The following CLIP1 variants were observed in gnomAD, a reference collection of about 807,000 sequenced individuals.
CLIP1 encodes CAP-Gly domain-containing linker protein 1.
In CLIP1, 66 loss-of-function variants were observed where a neutral mutation model predicts 161.6. The ratio of observed to expected loss-of-function variants is 0.41; its 90% confidence interval spans 0.33 to 0.50. The LOEUF is 0.50. Ranked by LOEUF, CLIP1 falls within the 20% of genes least tolerant of loss-of-function variation. CLIP1 has a pLI of 0.27. For missense variants in CLIP1, 1,376 were observed against 1,702.0 expected (o/e 0.81, Z 3.37); for synonymous variants, 598 against 626.2 (o/e 0.96, Z 0.67).
At chr12:122,378,848 G>A (rs939916886) in intron 2 of CLIP1, among the ~76,000 whole-genome samples, 17 of 151,738 alleles carry the variant, frequency 1.1e-4, no homozygotes, top group Middle Eastern at 3.2e-3. Context: ...ATATAGGGCC[G>A]GGTGCAGTGG....
chr12:122,327,883 C>G, intron 17 of CLIP1, 64 bp downstream of exon 17: 1 of 1,501,906 alleles, frequency 6.7e-7, no homozygotes, highest in Non-Finnish European at 9.2e-7. Flanking sequence ...TCTAAGCACC[C>G]TTCCTGCCTC....
Position 122,328,011 on chromosome 12 carries a change from C to T in CLIP1, c.3185G>A (p.Arg1062Gln), listed in dbSNP as rs755593779. The change falls in exon 17 of 26, where the codon CGG becomes CAG. Residue 1062 changes from arginine (R) to glutamine (Q), a missense_variant. Physicochemically the swap from Arg to Gln is conservative, Grantham distance 43 (BLOSUM62 1). This residue lies in a region of CLIP1 where 948 missense variants were observed against 1,134.8 expected (regional missense o/e 0.84). Coordinates refer to ENST00000620786, the MANE Select transcript of CLIP1 (RefSeq NM_001247997.2). The stretch of plus-strand genomic sequence containing the variant: ...CTGCAGCAAGCCACTGTTCTCCTCC[C>T]GTGCGCCCTTCAGCTTGTCCTCTGT... ...LDTEDKLKGA[R>Q]EENSGLLQEL... 38 of 1,614,024 alleles carry T rather than the reference C, an allele frequency of 2.4e-5. No individual in the cohort carries two copies. Among genetic ancestry groups the T allele is most frequent in the African/African-American group, 9.3e-5 (7 of 74,910 alleles).
intron 21 of CLIP1, among the ~76,000 whole-genome samples, chr12:122,283,171 G>A (rs370733944): frequency 6.6e-6 from 1 of 152,076 alleles, no homozygotes; most frequent in African/African-American, 2.4e-5. Context: ...TCTGCATCAG[G>A]CTTCAGAGGC....
At chr12:122,301,753 T>C (rs1001506237) in intron 20 of CLIP1, among the ~76,000 whole-genome samples, 1 of 152,228 alleles carries the variant, frequency 6.6e-6, no homozygotes, top group Non-Finnish European at 1.5e-5. Context: ...TTTACTTGGA[T>C]TTAACGCTCA....
At chr12:122,422,700 A>C (rs2137269289), upstream of CLIP1, 5 of 124,384 alleles carry the variant, frequency 4.0e-5, no homozygotes, top group South Asian at 5.9e-4. Context: ...GGCTCCTCCC[A>C]GCGCTCCGCC....
At chr12:122,417,632 C>A (rs926717286) in intron 1 of CLIP1, among the ~76,000 whole-genome samples, 5 of 151,154 alleles carry the variant, frequency 3.3e-5, no homozygotes, top group African/African-American at 7.3e-5. Context: ...CCTGCCTCAG[C>A]CTCCTGAGTA....
chr12:122,396,968 G>A (rs1955936296), intron 1 of CLIP1, among the ~76,000 whole-genome samples: 2 of 111,322 alleles, frequency 1.8e-5, no homozygotes, highest in South Asian at 5.9e-4. Context: ...TTGTAGAGAT[G>A]GGGTTTTACC....
intron 7 of CLIP1, 136 bp from the exon 8 acceptor site, chr12:122,352,922 G>A (rs1286219716): frequency 1.8e-5 from 13 of 712,814 alleles, no homozygotes; most frequent in Non-Finnish European, 2.5e-5. Flanking sequence ...GGGAGGTGGA[G>A]GCAGGAGGAT....
chr12:122,418,268 T>G (rs979622908), intron 1 of CLIP1, among the ~76,000 whole-genome samples: 2 of 152,034 alleles, frequency 1.3e-5, no homozygotes, highest in Admixed American at 6.6e-5. Flanking sequence ...AAATGAGATC[T>G]AATTACAGCC....
intron 1 of CLIP1, among the ~76,000 whole-genome samples, chr12:122,389,788 T>C (rs945518706): frequency 1.6e-5 from 1 of 62,476 alleles, no homozygotes; most frequent in African/African-American, 4.9e-5. Context: ...AAAAAAGAAT[T>C]TATAATGTAG....
intron 3 of CLIP1, among the ~76,000 whole-genome samples, chr12:122,364,340 A>AGGG (rs1954019907): frequency 6.6e-6 from 1 of 152,090 alleles, no homozygotes; most frequent in Non-Finnish European, 1.5e-5. Context: ...ATAATGAGAC[A>AGGG]GCCAATCTAA....
intron 3 of CLIP1, among the ~76,000 whole-genome samples, chr12:122,372,522 G>A (rs1236214910): frequency 5.9e-5 from 9 of 151,594 alleles, no homozygotes; most frequent in African/African-American, 1.9e-4. Context: ...ACGGGGCAGA[G>A]GATGCAGTGA....
intron 17 of CLIP1, among the ~76,000 whole-genome samples, chr12:122,326,539 T>A (rs1951718955): frequency 6.6e-6 from 1 of 152,050 alleles, no homozygotes. Context: ...ATTAGCCAGG[T>A]GTAGTGGCAC....
chr12:122,371,016 G>A (rs937160840), intron 3 of CLIP1, among the ~76,000 whole-genome samples: 1 of 151,082 alleles, frequency 6.6e-6, no homozygotes, highest in Non-Finnish European at 1.5e-5. Flanking sequence ...TTGATAAAAT[G>A]CAGAATATTT....
At chr12:122,389,010 C>T (rs1955460252) in intron 1 of CLIP1, among the ~76,000 whole-genome samples, 1 of 152,238 alleles carries the variant, frequency 6.6e-6, no homozygotes, top group African/African-American at 2.4e-5. Context: ...TCCCCTCCTC[C>T]ATGTTTTCAA....
chr12:122,308,460 C>A (rs1397922351), intron 20 of CLIP1, among the ~76,000 whole-genome samples: 1 of 152,190 alleles, frequency 6.6e-6, no homozygotes, highest in East Asian at 1.9e-4. Flanking sequence ...GGCTTCCATT[C>A]TTCATGACCT....
At chr12:122,306,782 T>C (rs1950888486) in intron 20 of CLIP1, among the ~76,000 whole-genome samples, 1 of 152,082 alleles carries the variant, frequency 6.6e-6, no homozygotes, top group African/African-American at 2.4e-5. Context: ...AAAAAAAAAG[T>C]ACCAGTAGGG....
intron 20 of CLIP1, among the ~76,000 whole-genome samples, chr12:122,289,038 G>C (rs1024724996): frequency 6.6e-6 from 1 of 150,386 alleles, no homozygotes; most frequent in African/African-American, 2.4e-5. Context: ...GGATGGTCTC[G>C]ATCTCCTGAC....
rs567430171 is a variant in CLIP1 at position 122,309,689 on chromosome 12, CCT to C, written c.3594+71_3594+72del. ...CCACACTGAGCAGACCTCCGAGTGG[CCT>C]CTGAGCGTGCTGCCAACAGCAGCAG... On this transcript the variant is annotated intron_variant, in intron 20 of 25. Transcript: ENST00000620786. 284 of 1,586,104 alleles carry C rather than the reference CCT, an allele frequency of 1.8e-4. No homozygotes were observed. In the South Asian group the frequency reaches 3.1e-3, roughly 17 times the overall value.
Sources: allele counts gnomAD v4.1 joint callset (sites outside exome capture counted in the v4.1 genomes callset), GRCh38; gene constraint gnomAD v4.1.1; regional missense constraint gnomAD v4.1.1; transcripts MANE v1.5; gene names NCBI Gene and HGNC (gene_info 2026-07-23, HGNC 2026-07-21).